Variants in PPARGC1A observed in about 807,000 individuals in gnomAD.
PPARGC1A encodes PPARG coactivator 1 alpha, also known as peroxisome proliferator-activated receptor gamma coactivator 1-alpha.
Under a neutral mutation model 88.7 loss-of-function variants are expected in PPARGC1A, and 25 were observed. The observed-to-expected ratio is 0.28, with a 90% CI of 0.21 to 0.39. PPARGC1A has a LOEUF of 0.39. PPARGC1A is among the 10% of genes least tolerant of loss of function. The probability of loss-of-function intolerance (pLI) is 1.00; values close to 1 mark genes in which losing one functional copy is unlikely to be tolerated. For synonymous variants in PPARGC1A, 363 were observed against 355.6 expected (o/e 1.02, Z -0.24); for missense variants, 880 against 968.7 (o/e 0.91, Z 1.22).
At chr4:24,400,911 A>C in the PPARGC1A span, among the ~76,000 whole-genome samples, 1 of 152,154 alleles carries the variant, frequency 6.6e-6, no homozygotes, top group Admixed American at 6.5e-5. Flanking sequence ...CTTTGTTTTA[A>C]ACTTAAAACT....
the PPARGC1A span, among the ~76,000 whole-genome samples, chr4:24,208,682 A>AAATATATAT: frequency 1.2e-4 from 16 of 135,000 alleles, no homozygotes; most frequent in African/African-American, 3.5e-4. Flanking sequence ...TCAGAAAAAA[A>AAATATATAT]ATATATATAT....
At chr4:24,032,505 G>A in the PPARGC1A span, among the ~76,000 whole-genome samples, 1 of 152,204 alleles carries the variant, frequency 6.6e-6, no homozygotes. Context: ...GCTGAGCCAG[G>A]ACTGCTCCAC....
chr4:24,156,261 G>C, the PPARGC1A span, among the ~76,000 whole-genome samples: 2 of 152,104 alleles, frequency 1.3e-5, no homozygotes, highest in African/African-American at 4.8e-5. Context: ...CCTTAGTGGG[G>C]AATATTCCAA....
At chr4:24,444,276 G>A in the PPARGC1A span, among the ~76,000 whole-genome samples, 2 of 151,950 alleles carry the variant, frequency 1.3e-5, no homozygotes, top group African/African-American at 2.4e-5. Context: ...CAGGTGATCC[G>A]CCCCCATCGG....
chr4:24,437,736 C>G, the PPARGC1A span, among the ~76,000 whole-genome samples: 1 of 151,640 alleles, frequency 6.6e-6, no homozygotes, highest in East Asian at 1.9e-4. Context: ...ATGGTGCGAT[C>G]TCAGCTCACT....
chr4:24,252,709 G>A, the PPARGC1A span, among the ~76,000 whole-genome samples: 1 of 152,166 alleles, frequency 6.6e-6, no homozygotes, highest in African/African-American at 2.4e-5. Flanking sequence ...TGGCCCTGAG[G>A]CCCCTCCTCA....
the PPARGC1A span, among the ~76,000 whole-genome samples, chr4:23,966,598 C>T: frequency 6.6e-6 from 1 of 152,156 alleles, no homozygotes; most frequent in South Asian, 2.1e-4. Context: ...TTTATCCTAA[C>T]AGTGACCCAC....
At chr4:24,461,885 C>G in the PPARGC1A span, among the ~76,000 whole-genome samples, 1 of 152,122 alleles carries the variant, frequency 6.6e-6, no homozygotes. Flanking sequence ...TTGAAACTTT[C>G]TGTGATTTTT....
the PPARGC1A span, among the ~76,000 whole-genome samples, chr4:24,171,914 T>C: frequency 6.6e-6 from 1 of 152,324 alleles, no homozygotes; most frequent in South Asian, 2.1e-4. Flanking sequence ...AATTCACAAA[T>C]ACATGTAAAG....
chr4:24,077,207 T>C, the PPARGC1A span, among the ~76,000 whole-genome samples: 7 of 152,126 alleles, frequency 4.6e-5, no homozygotes, highest in African/African-American at 1.4e-4. Context: ...GGCCTCTCTT[T>C]GGGTCTGGAC....
chr4:24,133,762 A>C, the PPARGC1A span, among the ~76,000 whole-genome samples: 4 of 152,194 alleles, frequency 2.6e-5, no homozygotes, highest in Non-Finnish European at 5.9e-5. Flanking sequence ...TTATTCAGCA[A>C]CAGGTTTATT....
At chr4:23,887,762 G>C (rs1191746100) in intron 1 of PPARGC1A, among the ~76,000 whole-genome samples, 1 of 152,104 alleles carries the variant, frequency 6.6e-6, no homozygotes, top group Non-Finnish European at 1.5e-5. Flanking sequence ...AAGAGAGAGA[G>C]AGAAGAAGGA....
chr4:24,465,156 G>T, the PPARGC1A span, among the ~76,000 whole-genome samples: 1 of 152,212 alleles, frequency 6.6e-6, no homozygotes, highest in South Asian at 2.1e-4. Context: ...GCGAAAAACC[G>T]TGCTCTGGCA....
At chr4:24,461,836 C>G in the PPARGC1A span, among the ~76,000 whole-genome samples, 1 of 152,164 alleles carries the variant, frequency 6.6e-6, no homozygotes, top group Non-Finnish European at 1.5e-5. Context: ...CCCAGATGCT[C>G]TCCATTTCTT....
chr4:24,225,343 G>A, the PPARGC1A span, among the ~76,000 whole-genome samples: 2 of 152,176 alleles, frequency 1.3e-5, no homozygotes, highest in East Asian at 1.9e-4. Flanking sequence ...GCCAAGGGGG[G>A]CAGATCACGA....
chr4:24,436,040 G>T, the PPARGC1A span, among the ~76,000 whole-genome samples: 1 of 152,268 alleles, frequency 6.6e-6, no homozygotes, highest in South Asian at 2.1e-4. Context: ...ATACACATGA[G>T]CCACTGTCAC....
the PPARGC1A span, among the ~76,000 whole-genome samples, chr4:24,142,605 T>C: frequency 2.0e-4 from 30 of 150,644 alleles, no homozygotes; most frequent in Non-Finnish European, 4.1e-4. Flanking sequence ...ACCCAGGAGG[T>C]GGAGGTTGTA....
chr4:23,814,219 G>GC lies in PPARGC1A; in HGVS notation c.1263dup (p.Gln422AlafsTer54). ...TCTGAATCTGTGGAAGAACAAATCTGCCCCTGCCAATCAGAGGAGACATCT... is the reference window on the plus strand; with the variant it reads ...TCTGAATCTGTGGAAGAACAAATCTGCCCCCTGCCAATCAGAGGAGACATCT... On this transcript the variant is annotated frameshift_variant, in exon 8 of 13. Transcript: ENST00000264867. LOFTEE classifies it high-confidence loss of function. The GC allele has an allele frequency of 6.2e-7, 1 of 1,614,050 alleles. No individual in the cohort carries two copies. Among genetic ancestry groups the GC allele is most frequent in the Non-Finnish European group, 8.5e-7 (1 of 1,179,992 alleles).
chr4:23,872,300 T>G (rs1713558976), intron 2 of PPARGC1A, among the ~76,000 whole-genome samples: 1 of 152,152 alleles, frequency 6.6e-6, no homozygotes, highest in Admixed American at 6.5e-5. Context: ...TTCCCTTGGT[T>G]GGCTTCCTCT....
Sources: allele counts gnomAD v4.1 joint callset (sites outside exome capture counted in the v4.1 genomes callset), GRCh38; gene constraint gnomAD v4.1.1; transcripts MANE v1.5; gene names NCBI Gene and HGNC (gene_info 2026-07-23, HGNC 2026-07-21).